PARD3B: variants seen among roughly 807,000 people sequenced by gnomAD.
PARD3B encodes partitioning defective 3 homolog B.
PARD3B carries 103 observed loss-of-function variants against 130.2 expected under a neutral mutation model. The observed-to-expected ratio is 0.79, with a 90% confidence interval of 0.67 to 0.93. PARD3B has a LOEUF of 0.93. PARD3B is among the 40% of genes least tolerant of loss of function. The pLI is 0.00. For synonymous variants in PARD3B, 583 were observed against 553.2 expected (o/e 1.05, Z -0.76); for missense variants, 1,609 against 1,499.2 (o/e 1.07, Z -1.21).
Position 205,253,181 on chromosome 2 carries a change from C to A in PARD3B, c.2185+7359C>A, listed in dbSNP as rs2039931105. The A allele has an allele frequency of 2.6e-6, 1 of 389,540 alleles. No individual in the cohort carries two copies. The highest frequency in any genetic ancestry group is 2.9e-5 in the Admixed American group (1 of 34,240). The allele number at this position is 389,540 out of a possible 1,614,324, so 24.1% of individuals were successfully genotyped here. ...TTTAGCTCCAACTTACAGGTTAGGA[C>A]CAGCTTTTCTGCAGGTGTTGACCAG... On this transcript the variant is annotated intron_variant, in intron 16 of 22. Coordinates refer to ENST00000406610, the MANE Select transcript of PARD3B (RefSeq NM_001302769.2). This position sits in a 1 kb window ranked among gnomAD's most constrained non-coding sequence, Gnocchi z 4.4.
chr2:205,327,185 A>G (rs1345526803), intron 18 of PARD3B, among the ~76,000 whole-genome samples: 2 of 152,170 alleles, frequency 1.3e-5, no homozygotes, highest in Non-Finnish European at 2.9e-5. Context: ...TAGCAATTCT[A>G]TGCTGTTGCT....
intron 22 of PARD3B, among the ~76,000 whole-genome samples, chr2:205,594,205 G>C (rs1383454864): frequency 6.6e-6 from 1 of 152,220 alleles, no homozygotes; most frequent in Non-Finnish European, 1.5e-5. Context: ...AGAAAGTAAA[G>C]TGACTTGTCT....
At chr2:205,399,923 G>C (rs147556969) in intron 18 of PARD3B, among the ~76,000 whole-genome samples, 1 of 152,192 alleles carries the variant, frequency 6.6e-6, no homozygotes, top group Non-Finnish European at 1.5e-5. Context: ...TACAGGCAGA[G>C]ATCGGGTTCT....
At chr2:205,314,405 T>C (rs1660487119) in intron 18 of PARD3B, among the ~76,000 whole-genome samples, 1 of 152,182 alleles carries the variant, frequency 6.6e-6, no homozygotes, top group African/African-American at 2.4e-5. Context: ...CCAACCACGC[T>C]TCAGTGTATA....
chr2:204,955,710 A>G (rs993598422), intron 2 of PARD3B, among the ~76,000 whole-genome samples: 6 of 152,216 alleles, frequency 3.9e-5, no homozygotes, highest in African/African-American at 1.2e-4. Flanking sequence ...ATAAAATAAT[A>G]CATTTCAGCA....
intron 2 of PARD3B, among the ~76,000 whole-genome samples, chr2:204,866,856 G>A (rs891247876): frequency 2.0e-5 from 3 of 151,892 alleles, no homozygotes; most frequent in Non-Finnish European, 4.4e-5. Flanking sequence ...ATCACCTGAG[G>A]TCAGGAGTTT....
intron 16 of PARD3B, among the ~76,000 whole-genome samples, chr2:205,251,576 T>G (rs1272332845): frequency 1.3e-5 from 2 of 152,218 alleles, no homozygotes; most frequent in African/African-American, 2.4e-5. Flanking sequence ...CAATGAGTTA[T>G]TAAATGACAT....
intron 21 of PARD3B, among the ~76,000 whole-genome samples, chr2:205,510,270 AT>A (rs2050540518): frequency 6.6e-6 from 1 of 152,204 alleles, no homozygotes; most frequent in Non-Finnish European, 1.5e-5. Flanking sequence ...ATAAACAAGA[AT>A]TTTTAAATGG....
intron 2 of PARD3B, among the ~76,000 whole-genome samples, chr2:204,760,979 A>G (rs908062697): frequency 6.6e-6 from 1 of 152,186 alleles, no homozygotes; most frequent in Non-Finnish European, 1.5e-5. Flanking sequence ...TCTATATGCC[A>G]GTATTTGCAC....
At chr2:205,231,776 A>G (rs1024263921) in intron 15 of PARD3B, among the ~76,000 whole-genome samples, 5 of 152,226 alleles carry the variant, frequency 3.3e-5, no homozygotes, top group Admixed American at 3.3e-4. Context: ...GTTAGAGTGT[A>G]CAGAGAAACA....
intron 15 of PARD3B, among the ~76,000 whole-genome samples, chr2:205,208,794 C>T (rs2037462614): frequency 1.4e-5 from 2 of 144,892 alleles, no homozygotes; most frequent in Non-Finnish European, 3.0e-5. Context: ...GCCATACTGC[C>T]CAGGGTAATT....
rs1696608876 is a variant in PARD3B at position 205,021,614 on chromosome 2, CTCTCT to C, written c.395-25966_395-25962del. 2.1e-5 allele frequency among the ~76,000 whole-genome samples: 3 copies of C among 140,160 alleles called. No homozygotes were observed. The highest frequency in any genetic ancestry group is 1.5e-4 in the Admixed American group (2 of 13,072). 92.0% of individuals were successfully genotyped at this position (140,160 alleles called of 152,430 possible). ...TTCTCTTCTCTCTCTCTCTCTCTCT[CTCTCT>C]CCCTCTCTCTTTCTCTCTCTCTCTC... On this transcript the variant is annotated intron_variant, in intron 3 of 22. Transcript: ENST00000406610. This position sits in a 1 kb window ranked among gnomAD's most constrained non-coding sequence, Gnocchi z 4.5.
intron 5 of PARD3B, among the ~76,000 whole-genome samples, chr2:205,106,514 TGTGTG>T (rs1703230221): frequency 6.6e-6 from 1 of 151,562 alleles, no homozygotes; most frequent in Non-Finnish European, 1.5e-5. Flanking sequence ...TGTGTGTGTG[TGTGTG>T]TGTGTGTGTG....
At chr2:205,137,332 T>A (rs961998558) in intron 10 of PARD3B, among the ~76,000 whole-genome samples, 3 of 151,818 alleles carry the variant, frequency 2.0e-5, no homozygotes, top group Non-Finnish European at 4.4e-5. Flanking sequence ...AAATAATGAA[T>A]AACGAACATC....
At chr2:205,422,111 A>T (rs1489514614) in intron 19 of PARD3B, among the ~76,000 whole-genome samples, 1 of 152,238 alleles carries the variant, frequency 6.6e-6, no homozygotes, top group African/African-American at 2.4e-5. Flanking sequence ...GAGCAATGTG[A>T]TAGAAAGATG....
At chr2:205,362,244 A>G (rs973896087) in intron 18 of PARD3B, among the ~76,000 whole-genome samples, 3 of 152,214 alleles carry the variant, frequency 2.0e-5, no homozygotes, top group African/African-American at 7.2e-5. Flanking sequence ...AGGTATTATT[A>G]TACAATTAAT....
chr2:205,069,708 C>T (rs1248982552), intron 4 of PARD3B, among the ~76,000 whole-genome samples: 2 of 152,042 alleles, frequency 1.3e-5, no homozygotes, highest in African/African-American at 2.4e-5. Flanking sequence ...GAGCCCTCAC[C>T]CTTCACCCTA....
At chr2:204,922,276 C>T (rs1003996818) in intron 2 of PARD3B, among the ~76,000 whole-genome samples, 3 of 151,830 alleles carry the variant, frequency 2.0e-5, no homozygotes, top group African/African-American at 7.3e-5. Flanking sequence ...GCAGTGAAAC[C>T]TTGGAAGTAA....
chr2:205,454,647 A>G (rs1478283774), intron 20 of PARD3B, among the ~76,000 whole-genome samples: 1 of 152,074 alleles, frequency 6.6e-6, no homozygotes, highest in East Asian at 1.9e-4. Flanking sequence ...TGTATACCAC[A>G]CTAAGAAGGA....
Sources: gnomAD v4.1 joint callset for allele counts (sites outside exome capture counted in the v4.1 genomes callset) on GRCh38, gnomAD v4.1.1 for gene constraint, Gnocchi (gnomAD v3.1) non-coding constraint, MANE v1.5 for transcripts, NCBI Gene and HGNC (gene_info 2026-07-23, HGNC 2026-07-21) for gene names.